The following LRRC17 variants were observed in gnomAD, a reference collection of about 807,000 sequenced individuals.
The protein encoded by LRRC17 is leucine rich repeat containing 17.
A neutral mutation model predicts 41.5 loss-of-function variants in LRRC17; 33 were observed. That is an observed-to-expected ratio of 0.80 (90% CI 0.60 to 1.06). LRRC17 has a LOEUF of 1.06. Ranked by LOEUF, LRRC17 falls within the 50% of genes least tolerant of loss-of-function variation. The pLI, the probability that LRRC17 is intolerant of heterozygous loss-of-function variation, is 0.00. For synonymous variants in LRRC17, 192 were observed against 197.0 expected, an observed-to-expected ratio of 0.97 and a Z score of 0.21; for missense variants, 491 against 519.3, an observed-to-expected ratio of 0.95 and a Z score of 0.53.
chr7:102,936,537 C>G (rs939819466), intron 2 of LRRC17, among the ~76,000 whole-genome samples: 9 of 152,084 alleles, frequency 5.9e-5, no homozygotes, highest in African/African-American at 2.2e-4. Context: ...TATGGTGAGT[C>G]CTTAGTGCTT....
intron 1 of LRRC17, among the ~76,000 whole-genome samples, chr7:102,929,663 C>CAAAAAAA (rs35025022): frequency 1.1e-5 from 1 of 91,468 alleles, no homozygotes; most frequent in Non-Finnish European, 2.0e-5. Flanking sequence ...GACTCCATCT[C>CAAAAAAA]AAAAAAAAAA....
chr7:102,929,625 C>T (rs1195607958), intron 1 of LRRC17, among the ~76,000 whole-genome samples: 4 of 136,008 alleles, frequency 2.9e-5, no homozygotes, highest in African/African-American at 1.1e-4. Flanking sequence ...GATGGCACCA[C>T]TGCACTCCAG....
chr7:102,916,103 C>T (rs1438997972), intron 1 of LRRC17, among the ~76,000 whole-genome samples: 1 of 152,050 alleles, frequency 6.6e-6, no homozygotes, highest in African/African-American at 2.4e-5. Flanking sequence ...CCTGCCTCAG[C>T]TTCCCAAGTA....
At chr7:102,926,001 G>C (rs1818055593) in intron 1 of LRRC17, among the ~76,000 whole-genome samples, 1 of 149,624 alleles carries the variant, frequency 6.7e-6, no homozygotes, top group Admixed American at 6.6e-5. Flanking sequence ...CAGAAAGCTT[G>C]AATGCCCAGA....
intron 1 of LRRC17, among the ~76,000 whole-genome samples, chr7:102,914,102 C>T (rs527869904): frequency 2.2e-4 from 34 of 152,276 alleles, no homozygotes; most frequent in East Asian, 1.2e-3. Context: ...GCTCTTGTTG[C>T]CCAGCTGGAG....
chr7:102,922,347 T>A (rs1275357020), intron 1 of LRRC17, among the ~76,000 whole-genome samples: 2 of 152,012 alleles, frequency 1.3e-5, no homozygotes, highest in Admixed American at 6.5e-5. Flanking sequence ...ATGACCATAT[T>A]TTTTTTATTA....
At chr7:102,933,578 G>A (rs1377355041) in intron 1 of LRRC17, 196 bp from the exon 2 acceptor site, 1 of 177,110 alleles carries the variant, frequency 5.6e-6, no homozygotes, top group African/African-American at 2.4e-5. Flanking sequence ...AGTTAAGCAG[G>A]TAAGAGAGCC....
At chr7:102,921,884 T>C (rs1817101758) in intron 1 of LRRC17, among the ~76,000 whole-genome samples, 2 of 151,754 alleles carry the variant, frequency 1.3e-5, no homozygotes, top group Admixed American at 1.3e-4. Context: ...AACCAAAAAT[T>C]TTGCTCTAAA....
At chr7:102,921,622 G>T (rs1180922131) in intron 1 of LRRC17, among the ~76,000 whole-genome samples, 2 of 152,076 alleles carry the variant, frequency 1.3e-5, no homozygotes, top group African/African-American at 4.8e-5. Context: ...GGAGGCTATG[G>T]TGAGCCGAGA....
At chr7:102,919,131 G>A (rs1043031767) in intron 1 of LRRC17, among the ~76,000 whole-genome samples, 3 of 152,144 alleles carry the variant, frequency 2.0e-5, no homozygotes, top group Non-Finnish European at 4.4e-5. Context: ...ACATTGTGTT[G>A]ATAGCTTAAA....
rs957926366 is a variant in LRRC17 at position 102,944,064 on chromosome 7, C to T, written c.929-146C>T. The T allele has an allele frequency of 1.1e-5, 7 of 631,788 alleles. No individual in the cohort carries two copies. In the African/African-American group the frequency reaches 1.1e-4, roughly 10 times the overall value. 39.1% of individuals were successfully genotyped at this position (631,788 alleles called of 1,614,324 possible). ...AGTTAAAAGTTTTCTAAAGTAAAAGCTCTGAGAAAAAGAAAGGAAAAGAAA... is the reference window on the plus strand; with the variant it reads ...AGTTAAAAGTTTTCTAAAGTAAAAGTTCTGAGAAAAAGAAAGGAAAAGAAA... On this transcript the variant is annotated intron_variant, in intron 3 of 3. Coordinates refer to ENST00000339431, the MANE Select transcript of LRRC17 (RefSeq NM_001031692.3).
chr7:102,931,910 AC>A, intron 1 of LRRC17: 3 of 1,613,552 alleles, frequency 1.9e-6, no homozygotes, highest in Non-Finnish European at 2.5e-6. Context: ...GAGACATTCA[AC>A]TCTTGCAAGT....
chr7:102,939,712 A>T, intron 3 of LRRC17, 127 bp downstream of exon 3: 1 of 861,636 alleles, frequency 1.2e-6, no homozygotes, highest in Non-Finnish European at 1.7e-6. Flanking sequence ...ACAAGTTTTA[A>T]TTAAACATGA....
At position 102,934,105 on chromosome 7, in the gene LRRC17, C is replaced by T; in HGVS notation, c.192C>T (p.Tyr64=). ...TGTACACATATCTCCATGAGAAATA[C>T]TTAGATTGTCAAGAAAGAAAATTAG... ...CDVYTYLHEK[Y]LDCQERKLVY... is the part of the protein sequence containing the mutation. The change falls in exon 2 of 4, where the codon TAC becomes TAT. Residue 64 remains tyrosine (Y), a synonymous_variant. Coordinates refer to ENST00000339431, the MANE Select transcript of LRRC17 (RefSeq NM_001031692.3). 2 of 1,614,118 alleles carry T rather than the reference C, an allele frequency of 1.2e-6. No individual in the cohort carries two copies. Among genetic ancestry groups the T allele is most frequent in the Non-Finnish European group, 8.5e-7 (1 of 1,179,958 alleles).
intron 3 of LRRC17, chr7:102,942,372 A>C: frequency 6.7e-7 from 1 of 1,499,718 alleles, no homozygotes; most frequent in South Asian, 1.3e-5. Context: ...GGGAGTTGCC[A>C]GACTTTAAAA....
At chr7:102,927,339 C>T (rs1280410572) in intron 1 of LRRC17, among the ~76,000 whole-genome samples, 1 of 152,180 alleles carries the variant, frequency 6.6e-6, no homozygotes, top group East Asian at 1.9e-4. Flanking sequence ...CTGCAGGTAT[C>T]TATCTGTCTG....
intron 2 of LRRC17, among the ~76,000 whole-genome samples, chr7:102,937,371 G>C (rs1820527794): frequency 6.6e-6 from 1 of 151,676 alleles, no homozygotes; most frequent in African/African-American, 2.4e-5. Context: ...GCCAGGCATG[G>C]TGGCAGGCAC....
chr7:102,929,663 CAAAAA>C (rs35025022), intron 1 of LRRC17, among the ~76,000 whole-genome samples: 2 of 91,518 alleles, frequency 2.2e-5, no homozygotes, highest in African/African-American at 9.5e-5. Flanking sequence ...GACTCCATCT[CAAAAA>C]AAAAAAAAAA....
chr7:102,929,266 T>C (rs1818696099), intron 1 of LRRC17, among the ~76,000 whole-genome samples: 1 of 152,206 alleles, frequency 6.6e-6, no homozygotes, highest in South Asian at 2.1e-4. Flanking sequence ...TTCAAAGTGC[T>C]CAGTTCTAAA....
Sources: gnomAD v4.1 joint callset for allele counts (sites outside exome capture counted in the v4.1 genomes callset) on GRCh38, gnomAD v4.1.1 for gene constraint, MANE v1.5 for transcripts, NCBI Gene and HGNC (gene_info 2026-07-23, HGNC 2026-07-21) for gene names.